SPAG16: variants seen among roughly 807,000 people sequenced by gnomAD.
SPAG16 encodes the protein sperm associated antigen 16.
SPAG16 carries 86 observed loss-of-function variants against 80.4 expected under a neutral mutation model. The observed-to-expected ratio is 1.07, with a 90% CI of 0.90 to 1.28. The LOEUF (loss-of-function observed/expected upper bound fraction) is 1.28. Ranked by LOEUF, SPAG16 falls within the 50% of genes most tolerant of loss-of-function variation. SPAG16 has a pLI of 0.00. For synonymous variants in SPAG16, 294 were observed against 265.9 expected, an observed-to-expected ratio of 1.11 and a Z score of -1.03; for missense variants, 870 against 765.3, an observed-to-expected ratio of 1.14 and a Z score of -1.61.
intron 10 of SPAG16, among the ~76,000 whole-genome samples, chr2:213,841,301 C>G (rs145214783): frequency 3.3e-5 from 5 of 152,176 alleles, no homozygotes; most frequent in African/African-American, 9.6e-5. Context: ...GGTACAAAAC[C>G]AGTGGGGCAT....
intron 8 of SPAG16, among the ~76,000 whole-genome samples, chr2:213,372,084 AC>A (rs2066670652): frequency 6.6e-6 from 1 of 152,096 alleles, no homozygotes; most frequent in South Asian, 2.1e-4. Flanking sequence ...TTTACATGAC[AC>A]TATACAGAAA....
At chr2:214,097,867 A>G (rs2052712305) in intron 13 of SPAG16, among the ~76,000 whole-genome samples, 1 of 152,078 alleles carries the variant, frequency 6.6e-6, no homozygotes, top group Non-Finnish European at 1.5e-5. Flanking sequence ...CACGGGCAGC[A>G]ATCAAAGCAC....
At chr2:213,348,319 G>T (rs567363167) in intron 6 of SPAG16, among the ~76,000 whole-genome samples, 1 of 152,214 alleles carries the variant, frequency 6.6e-6, no homozygotes, top group African/African-American at 2.4e-5. Flanking sequence ...GATGGGTCTT[G>T]ACTCCTTATC....
At chr2:213,713,180 C>T (rs1020504922) in intron 10 of SPAG16, among the ~76,000 whole-genome samples, 3 of 152,118 alleles carry the variant, frequency 2.0e-5, no homozygotes, top group Non-Finnish European at 2.9e-5. Context: ...TCCCCCAACA[C>T]GTAGGGATTA....
At chr2:214,178,231 A>G (rs2057192920) in intron 15 of SPAG16, among the ~76,000 whole-genome samples, 1 of 150,648 alleles carries the variant, frequency 6.6e-6, no homozygotes, top group South Asian at 2.1e-4. Context: ...TTCTTCAGAC[A>G]GGAGATATCA....
At chr2:213,871,352 C>A (rs1453795863) in intron 11 of SPAG16, among the ~76,000 whole-genome samples, 2 of 151,776 alleles carry the variant, frequency 1.3e-5, no homozygotes, top group Non-Finnish European at 2.9e-5. Context: ...TAACCAAAGG[C>A]TTACATCAAC....
At chr2:213,513,251 A>G (rs994772084) in intron 10 of SPAG16, among the ~76,000 whole-genome samples, 2 of 152,194 alleles carry the variant, frequency 1.3e-5, no homozygotes, top group Non-Finnish European at 2.9e-5. Flanking sequence ...TCAAAGGCTC[A>G]TTCCAAACCT....
intron 15 of SPAG16, chr2:214,280,931 C>A: frequency 2.3e-6 from 1 of 438,300 alleles, no homozygotes; most frequent in South Asian, 2.0e-5. Flanking sequence ...TGATAATGTG[C>A]TTCCAGTGTA....
intron 15 of SPAG16, among the ~76,000 whole-genome samples, chr2:214,203,337 C>T (rs931370626): frequency 2.0e-5 from 3 of 152,106 alleles, no homozygotes; most frequent in African/African-American, 7.2e-5. Context: ...ACTTTCAGCT[C>T]CCACTCCAGT....
chr2:214,312,731 C>G (rs116726009), intron 15 of SPAG16, among the ~76,000 whole-genome samples: 1,890 of 152,184 alleles, frequency 0.012, 46 homozygotes, highest in African/African-American at 0.044. Flanking sequence ...TTGCAGGAGT[C>G]TATCCTTAGA....
chr2:213,702,728 T>G (rs1218205520), intron 10 of SPAG16, among the ~76,000 whole-genome samples: 1 of 151,802 alleles, frequency 6.6e-6, no homozygotes, highest in African/African-American at 2.4e-5. Flanking sequence ...TACAAGGGAG[T>G]GTAATTTGAC....
intron 15 of SPAG16, among the ~76,000 whole-genome samples, chr2:214,342,933 T>C (rs2126033980): frequency 6.6e-6 from 1 of 152,270 alleles, no homozygotes; most frequent in African/African-American, 2.4e-5. Context: ...TAGCATTGAA[T>C]GTAACTCTCC....
intron 15 of SPAG16, among the ~76,000 whole-genome samples, chr2:214,388,011 AT>A (rs1700859718): frequency 6.6e-6 from 1 of 152,120 alleles, no homozygotes; most frequent in African/African-American, 2.4e-5. Flanking sequence ...CTATTGCTAT[AT>A]TTTTAATATA....
At chr2:213,870,773 T>A (rs2075914498) in intron 11 of SPAG16, among the ~76,000 whole-genome samples, 1 of 152,282 alleles carries the variant, frequency 6.6e-6, no homozygotes, top group Non-Finnish European at 1.5e-5. Context: ...GCTGTAAAAC[T>A]AGTATTGCCT....
At chr2:213,841,957 G>A (rs965145062) in intron 10 of SPAG16, among the ~76,000 whole-genome samples, 3 of 152,042 alleles carry the variant, frequency 2.0e-5, no homozygotes, top group African/African-American at 7.2e-5. Context: ...GATATATCTA[G>A]GGGTTGAAAT....
At chr2:213,788,256 A>G (rs1010825582) in intron 10 of SPAG16, among the ~76,000 whole-genome samples, 1 of 151,986 alleles carries the variant, frequency 6.6e-6, no homozygotes, top group African/African-American at 2.4e-5. Context: ...TGAATTTTAT[A>G]TAGTCAATAT....
At chr2:213,489,244 T>G (rs2074133062) in intron 9 of SPAG16, among the ~76,000 whole-genome samples, 1 of 152,128 alleles carries the variant, frequency 6.6e-6, no homozygotes, top group African/African-American at 2.4e-5. Flanking sequence ...TGAGTACAGT[T>G]AAGCAATTAC....
intron 13 of SPAG16, among the ~76,000 whole-genome samples, chr2:214,063,034 A>G (rs977833344): frequency 3.9e-5 from 6 of 152,250 alleles, no homozygotes; most frequent in African/African-American, 1.4e-4. Context: ...CATTTCAACA[A>G]CATGAAACCA....
chr2:214,162,523 TTC>T (rs1249060889), intron 15 of SPAG16, among the ~76,000 whole-genome samples: 10 of 152,070 alleles, frequency 6.6e-5, no homozygotes. Context: ...TCAACTTTAT[TTC>T]TCTTTCTAAT....
Sources: gnomAD v4.1 joint callset for allele counts (sites outside exome capture counted in the v4.1 genomes callset) on GRCh38, gnomAD v4.1.1 for gene constraint, MANE v1.5 for transcripts, NCBI Gene and HGNC (gene_info 2026-07-23, HGNC 2026-07-21) for gene names.